Variants in COL5A2 observed in about 807,000 individuals in gnomAD.
The protein encoded by COL5A2 is collagen alpha-2(V) chain.
A neutral mutation model predicts 208.2 loss-of-function variants in COL5A2; 23 were observed. The ratio of observed to expected loss-of-function variants is 0.11; its 90% CI spans 0.08 to 0.16. The LOEUF (loss-of-function observed/expected upper bound fraction) is 0.16, where lower values mean the gene tolerates loss of function less well. COL5A2 is among the 10% of genes least tolerant of loss of function. The pLI is 1.00. For missense variants in COL5A2, 1,590 were observed against 1,956.4 expected, an observed-to-expected ratio of 0.81 and a Z score of 3.53; for synonymous variants, 625 against 628.5, an observed-to-expected ratio of 0.99 and a Z score of 0.08.
chr2:189,311,741 A>T, the COL5A2 span: 1 of 769,896 alleles, frequency 1.3e-6, no homozygotes, highest in Non-Finnish European at 2.3e-6. Flanking sequence ...TGCTGAGACC[A>T]GTACTTGTCA....
At chr2:189,239,535 C>T in the COL5A2 span, among the ~76,000 whole-genome samples, 33 of 146,364 alleles carry the variant, frequency 2.3e-4, no homozygotes, top group African/African-American at 7.6e-5. Flanking sequence ...AACCAAACAC[C>T]GCATATTCTC....
At chr2:189,388,029 C>T in the COL5A2 span, among the ~76,000 whole-genome samples, 1 of 152,248 alleles carries the variant, frequency 6.6e-6, no homozygotes, top group Middle Eastern at 3.4e-3. Flanking sequence ...AAGCAATCTG[C>T]CCACCTCAGC....
chr2:189,053,948 C>T lies in COL5A2; in HGVS notation c.2446G>A (p.Gly816Ser). The change falls in exon 37 of 54, where the codon GGT (glycine) becomes AGT (serine). Residue 816 changes from glycine (G) to serine (S), a missense_variant and splice_region_variant. By Grantham distance (56) the Gly-to-Ser change is moderately conservative. Coordinates refer to ENST00000374866, the MANE Select transcript of COL5A2 (RefSeq NM_000393.5). The part of the protein sequence containing the change: ...PGPAGPTGEK[G>S]EPGPRGLVGP... ...ACTAAACCTCGAGGACCAGGTTCAC[C>T]CTAGAAAGCAGATTTTAGATGGTTA... The T allele has an allele frequency of 6.2e-7, 1 of 1,613,736 alleles. No individual in the cohort carries two copies. Among genetic ancestry groups the T allele is most frequent in the East Asian group, 2.2e-5 (1 of 44,868 alleles).
intron 1 of COL5A2, among the ~76,000 whole-genome samples, chr2:189,134,106 C>T (rs1687779427): frequency 6.6e-6 from 1 of 152,140 alleles, no homozygotes. Context: ...TCCTCTTCAT[C>T]CCACTCTGAG....
At chr2:189,280,837 T>C in the COL5A2 span, among the ~76,000 whole-genome samples, 1 of 152,168 alleles carries the variant, frequency 6.6e-6, no homozygotes, top group South Asian at 2.1e-4. Flanking sequence ...GAAGCAACTA[T>C]TTTACTTTGG....
At chr2:189,285,249 T>G in the COL5A2 span, among the ~76,000 whole-genome samples, 1 of 152,082 alleles carries the variant, frequency 6.6e-6, no homozygotes, top group Admixed American at 6.6e-5. Context: ...GTGACAAAAG[T>G]TGGCACTGTT....
At chr2:189,301,243 GT>G in the COL5A2 span, among the ~76,000 whole-genome samples, 1 of 151,974 alleles carries the variant, frequency 6.6e-6, no homozygotes, top group East Asian at 1.9e-4. Context: ...CACATTAAAT[GT>G]TCATGGAAAT....
intron 19 of COL5A2, 114 bp from the exon 20 acceptor site, chr2:189,068,384 A>T: frequency 1.1e-6 from 1 of 920,288 alleles, no homozygotes; most frequent in Non-Finnish European, 1.8e-6. Context: ...ATTTTTTAAA[A>T]ATCAACCACC....
At chr2:189,363,170 T>C in the COL5A2 span, among the ~76,000 whole-genome samples, 1 of 152,156 alleles carries the variant, frequency 6.6e-6, no homozygotes, top group African/African-American at 2.4e-5. Flanking sequence ...AAAATTTCTT[T>C]CTGCATTGTG....
the COL5A2 span, among the ~76,000 whole-genome samples, chr2:189,275,642 G>A: frequency 1.3e-5 from 2 of 151,636 alleles, no homozygotes; most frequent in Non-Finnish European, 2.9e-5. Flanking sequence ...TAGTAGAGAC[G>A]GGCTTTCACC....
chr2:189,247,446 G>C, the COL5A2 span, among the ~76,000 whole-genome samples: 17 of 152,062 alleles, frequency 1.1e-4, no homozygotes, highest in South Asian at 2.7e-3. Context: ...AGTCCGAAAA[G>C]TTCCACACAG....
intron 1 of COL5A2, among the ~76,000 whole-genome samples, chr2:189,132,724 C>T (rs778437834): frequency 6.6e-6 from 1 of 152,106 alleles, no homozygotes; most frequent in East Asian, 2.0e-4. Context: ...AGTTTGAGAC[C>T]AGCCTGGCCA....
intron 1 of COL5A2, among the ~76,000 whole-genome samples, chr2:189,209,172 C>A (rs897955540): frequency 6.6e-6 from 1 of 151,882 alleles, no homozygotes; most frequent in African/African-American, 2.4e-5. Flanking sequence ...AGTCCTCTAA[C>A]AACTGATAAT....
Position 189,058,890 on chromosome 2 carries a change from C to T in COL5A2, c.2089G>A (p.Val697Ile). Residue 697 changes from valine to isoleucine, a missense_variant, in exon 32 of 54, where the codon GTT becomes ATT. Physicochemically the swap from Val to Ile is conservative, Grantham distance 29. Coordinates refer to ENST00000374866, the MANE Select transcript of COL5A2 (RefSeq NM_000393.5). ...CCAACTGCTCCGGGATCTCCAGGAA[C>T]ACCCTATAAACACATTTTTTTTTTT... is the stretch of plus-strand genomic sequence containing the variant. ...GEGGKPGDQGVPGDPGAVGPL... is the reference protein window; with the variant it reads ...GEGGKPGDQGIPGDPGAVGPL... 1.9e-6 allele frequency: 3 copies of T among 1,573,162 alleles called. No homozygotes were observed. The highest frequency in any genetic ancestry group is 2.6e-6 in the Non-Finnish European group (3 of 1,163,678).
the COL5A2 span, among the ~76,000 whole-genome samples, chr2:189,247,467 C>A: frequency 6.6e-6 from 1 of 152,060 alleles, no homozygotes; most frequent in Non-Finnish European, 1.5e-5. Flanking sequence ...AGAAACCCAA[C>A]ATGACCACAT....
chr2:189,273,192 T>A, the COL5A2 span, among the ~76,000 whole-genome samples: 1 of 152,136 alleles, frequency 6.6e-6, no homozygotes, highest in Non-Finnish European at 1.5e-5. Context: ...ATGTGTGAGA[T>A]CTGACTCAAA....
intron 8 of COL5A2, among the ~76,000 whole-genome samples, chr2:189,087,711 T>C (rs1427743626): frequency 6.6e-6 from 1 of 151,204 alleles, no homozygotes; most frequent in Non-Finnish European, 1.5e-5. Context: ...TTGTGATCCG[T>C]CTGCCATGGC....
At chr2:189,369,271 T>A in the COL5A2 span, among the ~76,000 whole-genome samples, 1 of 152,148 alleles carries the variant, frequency 6.6e-6, no homozygotes, top group Admixed American at 6.6e-5. Context: ...TGTCAAGTTT[T>A]TTTTATTAAT....
At chr2:189,053,848 T>C in intron 37 of COL5A2, 47 bp downstream of exon 37, 1 of 1,458,130 alleles carries the variant, frequency 6.9e-7, no homozygotes, top group Admixed American at 1.7e-5. Flanking sequence ...ATTAATTGTT[T>C]TATTGCTCAA....
Sources: gnomAD v4.1 joint callset for allele counts (sites outside exome capture counted in the v4.1 genomes callset) on GRCh38, gnomAD v4.1.1 for gene constraint, MANE v1.5 for transcripts, NCBI Gene and HGNC (gene_info 2026-07-23, HGNC 2026-07-21) for gene names.